The following PRRX2 variants were observed in gnomAD, a reference collection of about 807,000 sequenced individuals.
The protein encoded by PRRX2 is paired mesoderm homeobox protein 2.
PRRX2 carries 11 observed loss-of-function variants against 18.0 expected under a neutral mutation model. The ratio of observed to expected loss-of-function variants is 0.61; its 90% CI spans 0.39 to 1.01. PRRX2 has a LOEUF of 1.01. Ranked by LOEUF, PRRX2 falls within the 50% of genes least tolerant of loss-of-function variation. The pLI is 0.01. For missense variants in PRRX2, 387 were observed against 351.0 expected (o/e 1.10, Z -0.82); for synonymous variants, 177 against 154.8 (o/e 1.14, Z -1.06).
At chr9:129,721,725 G>C (rs1256192471) in intron 3 of PRRX2, among the ~76,000 whole-genome samples, 2 of 152,098 alleles carry the variant, frequency 1.3e-5, no homozygotes, top group South Asian at 4.1e-4. Flanking sequence ...GATTACAAAC[G>C]CCCGTCACCA....
chr9:129,701,967 G>A (rs1206299405), intron 1 of PRRX2, among the ~76,000 whole-genome samples: 1 of 152,166 alleles, frequency 6.6e-6, no homozygotes, highest in African/African-American at 2.4e-5. Flanking sequence ...CAGGCCTGAT[G>A]CCGGGTGCCT....
intron 1 of PRRX2, among the ~76,000 whole-genome samples, chr9:129,699,129 A>T (rs1015464298): frequency 1.3e-5 from 2 of 152,252 alleles, no homozygotes; most frequent in African/African-American, 4.8e-5. Flanking sequence ...CAATTAAAAA[A>T]ATCCATCAAT....
intron 2 of PRRX2, among the ~76,000 whole-genome samples, chr9:129,719,911 C>G (rs1376370894): frequency 6.6e-6 from 1 of 152,092 alleles, no homozygotes; most frequent in East Asian, 1.9e-4. Flanking sequence ...CGCTTGAACT[C>G]GGGAGGTAGA....
chr9:129,690,715 C>T (rs1832350878), intron 1 of PRRX2, among the ~76,000 whole-genome samples: 1 of 151,734 alleles, frequency 6.6e-6, no homozygotes, highest in South Asian at 2.1e-4. Context: ...ACTATGTTGA[C>T]CAGGCTGGTC....
chr9:129,704,827 G>A (rs984777974), intron 1 of PRRX2, among the ~76,000 whole-genome samples: 7 of 152,158 alleles, frequency 4.6e-5, no homozygotes, highest in Non-Finnish European at 1.0e-4. Context: ...ACATCTTTGT[G>A]CCTGGGCCCC....
intron 1 of PRRX2, among the ~76,000 whole-genome samples, chr9:129,692,475 AATGC>A (rs1832373097): frequency 6.6e-6 from 1 of 152,008 alleles, no homozygotes; most frequent in African/African-American, 2.4e-5. Context: ...GGGTTAGAGA[AATGC>A]ATAATGACAC....
chr9:129,684,458 A>ACACACC lies in PRRX2; in HGVS notation c.259+18333_259+18334insACACCC, dbSNP rs375037713. 6.3e-3 allele frequency among the ~76,000 whole-genome samples: 750 copies of ACACACC among 118,678 alleles called. 10 individuals are homozygous for ACACACC. Among genetic ancestry groups the ACACACC allele is most frequent in the African/African-American group, 0.019 (649 of 34,740 alleles). The allele number at this position is 118,678 out of a possible 152,430, so 77.9% of individuals were successfully genotyped here. A position where few individuals can be genotyped will look rare whatever the true frequency, so the allele number is the denominator to read the frequency against. ...CACACACACACACACACACACACAC[A>ACACACC]CCCAACAGAAAAGATACCAGAAATC... On this transcript the variant is annotated intron_variant, in intron 1 of 3. Coordinates refer to ENST00000372469, the MANE Select transcript of PRRX2 (RefSeq NM_016307.4).
At chr9:129,710,857 G>A (rs1285744496) in intron 1 of PRRX2, among the ~76,000 whole-genome samples, 1 of 152,124 alleles carries the variant, frequency 6.6e-6, no homozygotes, top group Non-Finnish European at 1.5e-5. Context: ...GAGGCCCCAG[G>A]GACCATGTTT....
Position 129,672,024 on chromosome 9 carries a change from C to T in PRRX2, c.259+5898C>T, listed in dbSNP as rs116794207. The stretch of plus-strand genomic sequence containing the variant: ...AGGTGGGGGCAGGAAGGAAGGTTTG[C>T]GGTGGCTTGTCCCAGGCAAGAATGT... On this transcript the variant is annotated intron_variant, in intron 1 of 3. Transcript: ENST00000372469. Among the ~76,000 whole-genome samples the T allele has an allele frequency of 8.8e-3, 1,344 of 152,188 alleles. 16 individuals are homozygous for T. The highest frequency in any genetic ancestry group is 0.03 in the African/African-American group (1,265 of 41,506).
At chr9:129,674,254 A>T (rs1253559310) in intron 1 of PRRX2, among the ~76,000 whole-genome samples, 2 of 152,180 alleles carry the variant, frequency 1.3e-5, no homozygotes, top group Non-Finnish European at 2.9e-5. Context: ...GGCCACCAAG[A>T]TGACAGAATG....
Position 129,709,617 on chromosome 9 carries a change from G to A in PRRX2, c.260-9614G>A, listed in dbSNP as rs757684088. 3.6e-4 allele frequency among the ~76,000 whole-genome samples: 55 copies of A among 152,326 alleles called. No homozygotes were observed. Among genetic ancestry groups the A allele is most frequent in the Admixed American group, 8.5e-4 (13 of 15,310 alleles). Reference sequence around the variant, plus strand: ...TGTCTGACTCCTCGGGCCCCACTGCGGCTTCCATCATCACCTTCCTTCCCG... The same window carrying A: ...TGTCTGACTCCTCGGGCCCCACTGCAGCTTCCATCATCACCTTCCTTCCCG... On this transcript the variant is annotated intron_variant, in intron 1 of 3. Transcript: ENST00000372469. The surrounding 1 kb of genome is among the most constrained non-coding windows in gnomAD (Gnocchi z 4.2).
intron 1 of PRRX2, among the ~76,000 whole-genome samples, chr9:129,681,779 T>A (rs1000272732): frequency 1.3e-5 from 2 of 151,610 alleles, no homozygotes; most frequent in African/African-American, 4.9e-5. Flanking sequence ...AGCCCCGGTG[T>A]GGGGAGTGAA....
At chr9:129,680,878 G>A (rs746819641) in intron 1 of PRRX2, among the ~76,000 whole-genome samples, 1 of 152,224 alleles carries the variant, frequency 6.6e-6, no homozygotes, top group Non-Finnish European at 1.5e-5. Context: ...AGCACAAATG[G>A]TAACCATATA....
rs542480393 is a variant in PRRX2 at position 129,675,027 on chromosome 9, T to C, written c.259+8901T>C. 6.2e-4 allele frequency among the ~76,000 whole-genome samples: 94 copies of C among 152,274 alleles called. 1 individual carries two copies. On this transcript the variant is annotated intron_variant, in intron 1 of 3. Transcript: ENST00000372469. This position sits in a 1 kb window ranked among gnomAD's most constrained non-coding sequence, Gnocchi z 4.4. ...GCTGCGGGCTCCTTCCAGAGCTGAC[T>C]CTGCCTCCATTACCCTCCTCAGTTT...
At chr9:129,668,874 T>C (rs1832062910) in intron 1 of PRRX2, among the ~76,000 whole-genome samples, 2 of 147,756 alleles carry the variant, frequency 1.4e-5, no homozygotes, top group South Asian at 4.3e-4. Flanking sequence ...GTTAGCCAGG[T>C]GCAGTGGCTC....
intron 1 of PRRX2, among the ~76,000 whole-genome samples, chr9:129,684,042 G>A (rs933064062): frequency 2.0e-5 from 3 of 152,222 alleles, no homozygotes; most frequent in Admixed American, 6.5e-5. Flanking sequence ...TGGAGGCAGC[G>A]ATGGGAGCAG....
In PRRX2 at chr9:129,687,970, A is replaced by C. The variant is rs567154847; in HGVS notation, c.259+21844A>C. ...GAGTGCAGTGGTGCAATCACTGCTC[A>C]CCGCAGCCTTGACCTCCTGGGCTCA... On this transcript the variant is annotated intron_variant, in intron 1 of 3. Transcript: ENST00000372469. Among the ~76,000 whole-genome samples, 23 of 152,334 alleles carry C rather than the reference A, an allele frequency of 1.5e-4. No individual in the cohort carries two copies. In the East Asian group the frequency reaches 4.4e-3, roughly 29 times the overall value.
intron 1 of PRRX2, among the ~76,000 whole-genome samples, chr9:129,713,993 C>T (rs1251314027): frequency 2.6e-5 from 4 of 151,804 alleles, no homozygotes; most frequent in African/African-American, 7.3e-5. Flanking sequence ...AAGACACTCT[C>T]ACAGCTTCAG....
At chr9:129,685,310 G>A (rs1445865080) in intron 1 of PRRX2, among the ~76,000 whole-genome samples, 3 of 152,234 alleles carry the variant, frequency 2.0e-5, no homozygotes, top group South Asian at 2.1e-4. Flanking sequence ...ACTGTGGTCC[G>A]CTTGCCGTGC....
Sources: gnomAD v4.1 joint callset for allele counts (sites outside exome capture counted in the v4.1 genomes callset) on GRCh38, gnomAD v4.1.1 for gene constraint, Gnocchi (gnomAD v3.1) non-coding constraint, MANE v1.5 for transcripts, NCBI Gene and HGNC (gene_info 2026-07-23, HGNC 2026-07-21) for gene names.